Variants in PCDHGA5 observed in about 807,000 individuals in gnomAD.
The protein encoded by PCDHGA5 is protocadherin gamma-A5.
A neutral mutation model predicts 56.7 loss-of-function variants in PCDHGA5; 36 were observed. The ratio of observed to expected loss-of-function variants is 0.64; its 90% CI spans 0.49 to 0.84. The LOEUF is 0.84. PCDHGA5 is among the 40% of genes least tolerant of loss of function. PCDHGA5 has a pLI of 0.00. For missense variants in PCDHGA5, 1,305 were observed against 1,201.5 expected (o/e 1.09, Z -1.27); for synonymous variants, 563 against 520.2 (o/e 1.08, Z -1.12).
chr5:141,398,684 A>G (rs752285568), intron 1 of PCDHGA5: 1 of 1,613,958 alleles, frequency 6.2e-7, no homozygotes, highest in Admixed American at 1.7e-5. Context: ...AAGGAGAAAC[A>G]GGATGGTAGT....
chr5:141,492,043 TC>T (rs1323524482), intron 1 of PCDHGA5: 5 of 518,152 alleles, frequency 9.6e-6, no homozygotes, highest in Non-Finnish European at 1.7e-5. Context: ...CAGTCACAGA[TC>T]CACCCCTGCA....
At chr5:141,420,341 G>A in intron 1 of PCDHGA5, 5 of 1,391,412 alleles carry the variant, frequency 3.6e-6, no homozygotes, top group Middle Eastern at 1.9e-4. Context: ...CAATATAGTG[G>A]TATTATTTTA....
chr5:141,393,937 A>G lies in PCDHGA5; in HGVS notation c.2421+27186A>G, dbSNP rs751838967. 26 of 1,613,788 alleles carry G rather than the reference A, an allele frequency of 1.6e-5. 2 individuals are homozygous for G. In the South Asian group the frequency reaches 2.9e-4, roughly 18 times the overall value. On this transcript the variant is annotated intron_variant, in intron 1 of 3. Coordinates refer to ENST00000518069, the MANE Select transcript of PCDHGA5 (RefSeq NM_018918.3). ...GCCTTCTTGAGTGTGCATGACCAAG[A>G]CTCTGGAAAGAATGGTCAAGTTGTC...
chr5:141,450,650 C>G (rs1220350105), intron 1 of PCDHGA5, among the ~76,000 whole-genome samples: 1 of 151,618 alleles, frequency 6.6e-6, no homozygotes, highest in Non-Finnish European at 1.5e-5. Context: ...CCATGCCTGG[C>G]TAATTTTTGT....
chr5:141,385,633 G>A (rs2090306772), intron 1 of PCDHGA5: 9 of 905,286 alleles, frequency 9.9e-6, no homozygotes, highest in Non-Finnish European at 1.3e-5. Flanking sequence ...AATGAATCGA[G>A]TCTTTCATAT....
At position 141,402,836 on chromosome 5, in the gene PCDHGA5, A is replaced by G. The variant is rs115293033; in HGVS notation, c.2421+36085A>G. 4.8e-4 allele frequency: 668 copies of G among 1,379,778 alleles called. 2 individuals are homozygous for G. The African/African-American group carries it at 8.5e-3, about 18-fold the overall frequency. 85.5% of individuals were successfully genotyped at this position (1,379,778 alleles called of 1,614,324 possible). On this transcript the variant is annotated intron_variant, in intron 1 of 3. Coordinates refer to ENST00000518069, the MANE Select transcript of PCDHGA5 (RefSeq NM_018918.3). ...ACAAACCTGCTCCCAGGCTGCAGCA[A>G]AACTCAGCCTCTTTCTTCTAAGGAA...
chr5:141,389,410 GCGGGGTGGTGTTCGCGCAGCGCGC>G, intron 1 of PCDHGA5: 1 of 1,613,600 alleles, frequency 6.2e-7, no homozygotes, highest in Non-Finnish European at 8.5e-7. Context: ...AGCGCGGAGA[GCGGGGTGGTGTTCGCGCAGCGCGC>G]CTTCGACCAC....
rs571588941 is a variant in PCDHGA5, at chr5:141,428,181, A to T, written c.2421+61430A>T. The T allele has an allele frequency of 1.2e-4, 181 of 1,486,230 alleles. 2 individuals carry two copies. In the South Asian group the frequency reaches 2.0e-3, roughly 16 times the overall value. The allele number at this position is 1,486,230 out of a possible 1,614,324, so 92.1% of individuals were successfully genotyped here. A position where few individuals can be genotyped will look rare whatever the true frequency, so the allele number is the denominator to read the frequency against. ...CTGGTTGCTGTGCGTGACGGAGGAC[A>T]GCCGCCGCTCTCTGCGCCGCTACGC... On this transcript the variant is annotated intron_variant, in intron 1 of 3. Coordinates refer to ENST00000518069, the MANE Select transcript of PCDHGA5 (RefSeq NM_018918.3).
chr5:141,422,916 C>T, intron 1 of PCDHGA5: 1 of 1,614,260 alleles, frequency 6.2e-7, no homozygotes, highest in Non-Finnish European at 8.5e-7. Context: ...CGCCCGAGAT[C>T]CTGTACCCTG....
chr5:141,476,039 C>T lies in PCDHGA5; in HGVS notation c.2422-18768C>T. The T allele has an allele frequency of 1.3e-6, 2 of 1,484,358 alleles. No homozygotes were observed. The highest frequency in any genetic ancestry group is 1.8e-6 in the Non-Finnish European group (2 of 1,117,328). The allele number at this position is 1,484,358 out of a possible 1,614,324, so 91.9% of individuals were successfully genotyped here. On this transcript the variant is annotated intron_variant, in intron 1 of 3. Coordinates refer to ENST00000518069, the MANE Select transcript of PCDHGA5 (RefSeq NM_018918.3). The surrounding 1 kb of genome is among the most constrained non-coding windows in gnomAD (Gnocchi z 7.6). Reference sequence around the variant, plus strand: ...TCGGACTCGGCGCCCAGCGCCCAAGCGCTAACCCGCTGAAAGTTTCTCAGC... The same window carrying T: ...TCGGACTCGGCGCCCAGCGCCCAAGTGCTAACCCGCTGAAAGTTTCTCAGC...
chr5:141,426,766 T>C (rs2096958771), intron 1 of PCDHGA5: 1 of 456,532 alleles, frequency 2.2e-6, no homozygotes, highest in South Asian at 1.5e-5. Flanking sequence ...GATGCAGATG[T>C]AGGGCCTCAC....
At chr5:141,438,018 G>A (rs959672278) in intron 1 of PCDHGA5, among the ~76,000 whole-genome samples, 1 of 152,082 alleles carries the variant, frequency 6.6e-6, no homozygotes, top group African/African-American at 2.4e-5. Context: ...TGAGATTACA[G>A]GTGTGAGCCA....
In PCDHGA5 at chr5:141,491,169, G is replaced by A. The variant is rs374498014; in HGVS notation, c.2422-3638G>A. The A allele has an allele frequency of 1.2e-6, 2 of 1,614,192 alleles. No homozygotes were observed. Among genetic ancestry groups the A allele is most frequent in the African/African-American group, 1.3e-5 (1 of 75,058 alleles). On this transcript the variant is annotated intron_variant, in intron 1 of 3. Transcript: ENST00000518069. The surrounding 1 kb of genome is among the most constrained non-coding windows in gnomAD (Gnocchi z 6.9). ...TGGAGGATGACTCTGACACCCAGCA[G>A]GTGGTGGTCCTGGTGAGGGACAATG...
In PCDHGA5 at chr5:141,418,939, C is replaced by T. The variant is rs766248741; in HGVS notation, c.2421+52188C>T. The T allele has an allele frequency of 8.7e-6, 14 of 1,613,642 alleles. No individual in the cohort carries two copies. In the African/African-American group the frequency reaches 1.7e-4, roughly 20 times the overall value. On this transcript the variant is annotated intron_variant, in intron 1 of 3. Transcript: ENST00000518069. ...TCTCTGATCAGATTATGGAGGATTC[C>T]CCTCCAGGAGTGGTTGTTGCCCTCT...
intron 1 of PCDHGA5, chr5:141,423,923 G>C: frequency 8.0e-7 from 1 of 1,254,744 alleles, no homozygotes; most frequent in Non-Finnish European, 1.0e-6. Flanking sequence ...CAACTATGCT[G>C]GTTTGGTTTG....
rs116716465 is a variant in PCDHGA5, at chr5:141,484,286, C to T, written c.2422-10521C>T. ...GATTCTTTACTGTTTTGAAACATCTCCCTCTCCTGGCTTCCTCCACCCCGC... is the reference window on the plus strand; with the variant it reads ...GATTCTTTACTGTTTTGAAACATCTTCCTCTCCTGGCTTCCTCCACCCCGC... On this transcript the variant is annotated intron_variant, in intron 1 of 3. Coordinates refer to ENST00000518069, the MANE Select transcript of PCDHGA5 (RefSeq NM_018918.3). 8.3e-3 allele frequency among the ~76,000 whole-genome samples: 1,266 copies of T among 152,294 alleles called. 10 individuals carry two copies. The highest frequency in any genetic ancestry group is 0.014 in the Non-Finnish European group (936 of 68,022).
rs2096301395 is a variant in PCDHGA5, at chr5:141,418,913, C to A, written c.2421+52162C>A. On this transcript the variant is annotated intron_variant, in intron 1 of 3. Coordinates refer to ENST00000518069, the MANE Select transcript of PCDHGA5 (RefSeq NM_018918.3). ...CAGCCCAGAAATAATCATCACGTCA[C>A]TCTCTGATCAGATTATGGAGGATTC... The A allele has an allele frequency of 2.5e-6, 4 of 1,613,946 alleles. No homozygotes were observed. The highest frequency in any genetic ancestry group is 3.4e-6 in the Non-Finnish European group (4 of 1,179,822).
At chr5:141,443,871 G>A (rs1395939418) in intron 1 of PCDHGA5, among the ~76,000 whole-genome samples, 1 of 152,112 alleles carries the variant, frequency 6.6e-6, no homozygotes, top group East Asian at 1.9e-4. Context: ...AAAAATTACT[G>A]ATAAGTCAAG....
Position 141,365,841 on chromosome 5 carries a change from A to G in PCDHGA5, c.1511A>G (p.Tyr504Cys), listed in dbSNP as rs765506735. 13 of 1,613,714 alleles carry G rather than the reference A, an allele frequency of 8.1e-6. No individual in the cohort carries two copies. The Admixed American group carries it at 8.3e-5, about 10-fold the overall frequency. Residue 504 changes from tyrosine (Y) to cysteine (C), a missense_variant, in exon 1 of 4, where the codon TAT (tyrosine) becomes TGT (cysteine). Physicochemically the swap from Tyr to Cys is radical, Grantham distance 194. Coordinates refer to ENST00000518069, the MANE Select transcript of PCDHGA5 (RefSeq NM_018918.3). ...DTFQGAPLSS[Y>C]VSINSDTGVL... ...TTTCAGGGGGCGCCCTTGTCCTCCT[A>G]TGTATCCATTAACTCTGACACCGGT... is the stretch of plus-strand genomic sequence containing the variant.
Sources: gnomAD v4.1 joint callset for allele counts (sites outside exome capture counted in the v4.1 genomes callset) on GRCh38, gnomAD v4.1.1 for gene constraint, Gnocchi (gnomAD v3.1) non-coding constraint, MANE v1.5 for transcripts, NCBI Gene and HGNC (gene_info 2026-07-23, HGNC 2026-07-21) for gene names.